The following SLC44A5 variants were observed in gnomAD, a reference collection of about 807,000 sequenced individuals.
The protein encoded by SLC44A5 is choline transporter-like protein 5.
In SLC44A5, 57 loss-of-function variants were observed where a neutral mutation model predicts 101.8. The observed-to-expected ratio is 0.56, with a 90% CI of 0.45 to 0.70. The LOEUF is 0.70. Among genes scored for constraint, SLC44A5 ranks in the 30% least tolerant of loss-of-function variants. The probability of loss-of-function intolerance (pLI) is 0.00; values close to 1 mark genes in which losing one functional copy is unlikely to be tolerated. For missense variants in SLC44A5, 737 were observed against 853.1 expected (o/e 0.86, Z 1.70); for synonymous variants, 281 against 290.9 (o/e 0.97, Z 0.35).
At chr1:75,309,966 T>C (rs1164537398) in intron 4 of SLC44A5, among the ~76,000 whole-genome samples, 1 of 152,228 alleles carries the variant, frequency 6.6e-6, no homozygotes, top group East Asian at 1.9e-4. Context: ...AGGCTGGTTA[T>C]ACTATAACAC....
intron 6 of SLC44A5, among the ~76,000 whole-genome samples, chr1:75,252,625 A>G (rs664593): frequency 0.83 from 126,353 of 152,250 alleles, 52,705 homozygotes; most frequent in East Asian, 0.95. Flanking sequence ...GAGACTGAAG[A>G]TGCAGTAAGA....
chr1:75,238,873 G>A (rs115901971), intron 9 of SLC44A5, among the ~76,000 whole-genome samples: 1,730 of 151,990 alleles, frequency 0.011, 52 homozygotes, highest in African/African-American at 0.04. Context: ...TTTTACATCT[G>A]GTATATTCAT....
At chr1:75,294,704 A>G (rs550587261) in intron 5 of SLC44A5, among the ~76,000 whole-genome samples, 9 of 152,344 alleles carry the variant, frequency 5.9e-5, no homozygotes, top group East Asian at 1.9e-4. Flanking sequence ...GCCTTAAAAA[A>G]GAAGAAAATC....
At chr1:75,222,979 C>A (rs536856439) in intron 13 of SLC44A5, among the ~76,000 whole-genome samples, 1 of 152,220 alleles carries the variant, frequency 6.6e-6, no homozygotes, top group East Asian at 1.9e-4. Flanking sequence ...CTTAACCCAA[C>A]TTGGCCAATA....
intron 1 of SLC44A5, among the ~76,000 whole-genome samples, chr1:75,600,551 G>C (rs1215777731): frequency 6.6e-6 from 1 of 151,848 alleles, no homozygotes; most frequent in Admixed American, 6.6e-5. Flanking sequence ...AATATTTTAA[G>C]TAGTTTATAA....
intron 2 of SLC44A5, among the ~76,000 whole-genome samples, chr1:75,445,875 C>T (rs1242188232): frequency 6.6e-6 from 1 of 152,150 alleles, no homozygotes; most frequent in African/African-American, 2.4e-5. Flanking sequence ...TCCATTCAGT[C>T]TTCGACAGTT....
the SLC44A5 span, among the ~76,000 whole-genome samples, chr1:75,695,657 C>A: frequency 3.4e-5 from 5 of 149,154 alleles, no homozygotes; most frequent in Non-Finnish European, 7.4e-5. Context: ...ATGTTGTCAG[C>A]AAATAAGATT....
At chr1:75,221,795 T>A (rs1647087117) in intron 14 of SLC44A5, among the ~76,000 whole-genome samples, 1 of 152,190 alleles carries the variant, frequency 6.6e-6, no homozygotes, top group African/African-American at 2.4e-5. Flanking sequence ...CAAAAACTGC[T>A]AATACGTAGA....
intron 2 of SLC44A5, among the ~76,000 whole-genome samples, chr1:75,485,923 A>G (rs1311554733): frequency 6.6e-6 from 1 of 152,020 alleles, no homozygotes; most frequent in Non-Finnish European, 1.5e-5. Context: ...GAACTCACTT[A>G]CTATCGTAAG....
intron 7 of SLC44A5, 27 bp from the exon 8 acceptor site, chr1:75,243,038 T>A: frequency 6.3e-7 from 1 of 1,578,380 alleles, no homozygotes; most frequent in Non-Finnish European, 8.6e-7. Context: ...TGATGAGAAC[T>A]GAACTGAGTT....
chr1:75,416,320 G>A (rs1663644681), intron 2 of SLC44A5, among the ~76,000 whole-genome samples: 1 of 101,012 alleles, frequency 9.9e-6, no homozygotes, highest in South Asian at 3.3e-4. Flanking sequence ...CCAAACCTCT[G>A]AGCATACAAA....
At chr1:75,644,729 T>C in the SLC44A5 span, among the ~76,000 whole-genome samples, 465 of 152,244 alleles carry the variant, frequency 3.1e-3, 2 homozygotes, top group Non-Finnish European at 5.6e-3. Context: ...CATGTTGGTG[T>C]GCTGCACCTA....
intron 10 of SLC44A5, 95 bp downstream of exon 10, chr1:75,238,416 GAT>G: frequency 3.0e-6 from 1 of 331,164 alleles, no homozygotes; most frequent in South Asian, 6.6e-5. Flanking sequence ...ATATATATGT[GAT>G]TATTTTCCTA....
intron 2 of SLC44A5, among the ~76,000 whole-genome samples, chr1:75,462,019 G>A (rs1031991055): frequency 6.6e-6 from 1 of 152,206 alleles, no homozygotes; most frequent in African/African-American, 2.4e-5. Flanking sequence ...TGACTGTAGA[G>A]CCCTATGGCA....
intron 4 of SLC44A5, among the ~76,000 whole-genome samples, chr1:75,318,235 C>T (rs2100944229): frequency 6.6e-6 from 1 of 151,922 alleles, no homozygotes; most frequent in South Asian, 2.1e-4. Flanking sequence ...ACATTAGTCA[C>T]ACAGGGTCAC....
chr1:75,471,751 T>G (rs1171826991), intron 2 of SLC44A5, among the ~76,000 whole-genome samples: 2 of 152,068 alleles, frequency 1.3e-5, no homozygotes, highest in African/African-American at 4.8e-5. Context: ...AAACCCTTTG[T>G]GTAGTTTCTT....
intron 2 of SLC44A5, among the ~76,000 whole-genome samples, chr1:75,462,301 C>T (rs961602609): frequency 3.9e-5 from 6 of 152,190 alleles, no homozygotes; most frequent in African/African-American, 4.8e-5. Flanking sequence ...CACCTCTACA[C>T]GTCTGCAAGA....
At chr1:75,228,649 T>C (rs906852958) in intron 12 of SLC44A5, among the ~76,000 whole-genome samples, 7 of 151,922 alleles carry the variant, frequency 4.6e-5, no homozygotes, top group African/African-American at 1.7e-4. Flanking sequence ...TTCTTGTCTT[T>C]TAAAAATTGA....
intron 3 of SLC44A5, among the ~76,000 whole-genome samples, chr1:75,383,972 G>A: frequency 6.6e-6 from 1 of 151,748 alleles, no homozygotes. Context: ...CATAAGCGAA[G>A]GAGAAATAAA....
Sources: gnomAD v4.1 joint callset for allele counts (sites outside exome capture counted in the v4.1 genomes callset) on GRCh38, gnomAD v4.1.1 for gene constraint, MANE v1.5 for transcripts, NCBI Gene and HGNC (gene_info 2026-07-23, HGNC 2026-07-21) for gene names.